Variants in SLC25A21 observed in about 807,000 individuals in gnomAD.
SLC25A21 encodes the protein solute carrier family 25 member 21.
A neutral mutation model predicts 43.8 loss-of-function variants in SLC25A21; 47 were observed. The ratio of observed to expected loss-of-function variants is 1.07; its 90% CI spans 0.85 to 1.37. The LOEUF (loss-of-function observed/expected upper bound fraction) is 1.37. Ranked by LOEUF, SLC25A21 falls within the 40% of genes most tolerant of loss-of-function variation. The probability of loss-of-function intolerance (pLI) is 0.00; values close to 1 mark genes in which losing one functional copy is unlikely to be tolerated. For missense variants in SLC25A21, 352 were observed against 350.2 expected (o/e 1.00, Z -0.04); for synonymous variants, 131 against 121.3 (o/e 1.08, Z -0.52).
chr14:37,168,049 C>T (rs1418035328), intron 1 of SLC25A21, among the ~76,000 whole-genome samples: 1 of 152,110 alleles, frequency 6.6e-6, no homozygotes, highest in Non-Finnish European at 1.5e-5. Flanking sequence ...CAAGGTGAAC[C>T]TGCTGGGGCA....
At chr14:37,124,669 T>C (rs1398897793) in intron 1 of SLC25A21, among the ~76,000 whole-genome samples, 1 of 152,298 alleles carries the variant, frequency 6.6e-6, no homozygotes, top group East Asian at 1.9e-4. Flanking sequence ...TGGGATCTGA[T>C]GTGGTTTGGA....
At chr14:36,758,765 G>A (rs1886030382) in intron 3 of SLC25A21, among the ~76,000 whole-genome samples, 1 of 152,090 alleles carries the variant, frequency 6.6e-6, no homozygotes, top group East Asian at 1.9e-4. Flanking sequence ...TCTTGTGTGG[G>A]AACTGGATGC....
At chr14:36,873,551 C>T (rs1464544268) in intron 2 of SLC25A21, among the ~76,000 whole-genome samples, 1 of 152,176 alleles carries the variant, frequency 6.6e-6, no homozygotes, top group African/African-American at 2.4e-5. Flanking sequence ...CTCCCTCTGC[C>T]TCCCAAAGTG....
chr14:36,747,318 T>C (rs916904361), intron 3 of SLC25A21, among the ~76,000 whole-genome samples: 4 of 152,214 alleles, frequency 2.6e-5, no homozygotes, highest in East Asian at 3.9e-4. Flanking sequence ...CAACCACATG[T>C]TAGCTGTTTA....
At chr14:36,773,259 G>A (rs1461442659) in intron 3 of SLC25A21, among the ~76,000 whole-genome samples, 1 of 152,078 alleles carries the variant, frequency 6.6e-6, no homozygotes, top group Non-Finnish European at 1.5e-5. Context: ...TCTCAGCTGT[G>A]AGTGATGAGT....
At position 36,899,207 on chromosome 14, in the gene SLC25A21, T is replaced by C. The variant is rs190441096; in HGVS notation, c.71-24203A>G. 1.3e-3 allele frequency among the ~76,000 whole-genome samples: 197 copies of C among 151,502 alleles called. 1 individual carries two copies. Among genetic ancestry groups the C allele is most frequent in the African/African-American group, 4.6e-3 (189 of 41,216 alleles). Reference sequence around the variant, plus strand: ...GTGCTCAAGACGATCCACGCAAACATAGCAAGACCCTGTCTCTATTTGAGA... The same window carrying C: ...GTGCTCAAGACGATCCACGCAAACACAGCAAGACCCTGTCTCTATTTGAGA... On this transcript the variant is annotated intron_variant, in intron 1 of 9. Transcript: ENST00000331299.
At chr14:36,919,525 G>A (rs1247255021) in intron 1 of SLC25A21, among the ~76,000 whole-genome samples, 1 of 151,870 alleles carries the variant, frequency 6.6e-6, no homozygotes, top group Non-Finnish European at 1.5e-5. Flanking sequence ...CTCCTGAAAT[G>A]TTTAATTTTC....
At chr14:36,979,794 T>C (rs1048145145) in intron 1 of SLC25A21, among the ~76,000 whole-genome samples, 1 of 152,196 alleles carries the variant, frequency 6.6e-6, no homozygotes, top group Non-Finnish European at 1.5e-5. Flanking sequence ...AAATTAATCA[T>C]GGTGTTTTCA....
intron 3 of SLC25A21, among the ~76,000 whole-genome samples, chr14:36,791,877 G>A (rs1887497463): frequency 6.6e-6 from 1 of 152,090 alleles, no homozygotes; most frequent in Admixed American, 6.6e-5. Flanking sequence ...AGATTGGAAA[G>A]AGGCACCGGG....
At chr14:36,850,459 G>C (rs999878207) in intron 2 of SLC25A21, among the ~76,000 whole-genome samples, 1 of 152,034 alleles carries the variant, frequency 6.6e-6, no homozygotes, top group Non-Finnish European at 1.5e-5. Context: ...TAGCTTGCCA[G>C]GTATAGAAAG....
At chr14:36,904,625 G>C (rs1476523347) in intron 1 of SLC25A21, among the ~76,000 whole-genome samples, 1 of 152,152 alleles carries the variant, frequency 6.6e-6, no homozygotes, top group East Asian at 1.9e-4. Flanking sequence ...CACATGGCTG[G>C]GGAGGCCTTA....
chr14:36,824,396 G>T (rs1238154486), intron 2 of SLC25A21, among the ~76,000 whole-genome samples: 2 of 152,102 alleles, frequency 1.3e-5, no homozygotes, highest in African/African-American at 4.8e-5. Context: ...TGGATTGGTT[G>T]TTACCAGTTT....
intron 1 of SLC25A21, among the ~76,000 whole-genome samples, chr14:36,975,801 G>T (rs1418273808): frequency 6.6e-6 from 1 of 152,206 alleles, no homozygotes; most frequent in Admixed American, 6.5e-5. Flanking sequence ...GAGGACCATA[G>T]TTGACATCAG....
chr14:36,693,478 T>C (rs1004779136), intron 7 of SLC25A21, among the ~76,000 whole-genome samples: 1 of 152,172 alleles, frequency 6.6e-6, no homozygotes, highest in Non-Finnish European at 1.5e-5. Context: ...AGACTGAACA[T>C]ACAAGATTAA....
intron 1 of SLC25A21, among the ~76,000 whole-genome samples, chr14:37,078,371 TC>T (rs1015882726): frequency 6.6e-6 from 1 of 151,918 alleles, no homozygotes. Context: ...CACATTATCT[TC>T]CCCACAGGGG....
At chr14:37,162,078 G>A (rs982311398) in intron 1 of SLC25A21, among the ~76,000 whole-genome samples, 1 of 152,014 alleles carries the variant, frequency 6.6e-6, no homozygotes, top group African/African-American at 2.4e-5. Context: ...ACAGGCCAAG[G>A]AATACCAAGC....
chr14:37,133,639 A>C (rs934384997), intron 1 of SLC25A21, among the ~76,000 whole-genome samples: 2 of 151,642 alleles, frequency 1.3e-5, no homozygotes, highest in Admixed American at 6.6e-5. Flanking sequence ...TAAAAAAAAA[A>C]CCACCAACAC....
intron 7 of SLC25A21, among the ~76,000 whole-genome samples, chr14:36,706,790 A>G (rs544521382): frequency 6.6e-6 from 1 of 152,010 alleles, no homozygotes; most frequent in African/African-American, 2.4e-5. Flanking sequence ...TGTCTCCCCC[A>G]TGGACGCTAT....
chr14:36,993,893 G>GCAA (rs994137611), intron 1 of SLC25A21, among the ~76,000 whole-genome samples: 4 of 152,210 alleles, frequency 2.6e-5, no homozygotes, highest in Middle Eastern at 3.4e-3. Context: ...GATGAGAATT[G>GCAA]CAACAACAAC....
Sources: gnomAD v4.1 joint callset for allele counts (sites outside exome capture counted in the v4.1 genomes callset) on GRCh38, gnomAD v4.1.1 for gene constraint, MANE v1.5 for transcripts, NCBI Gene and HGNC (gene_info 2026-07-23, HGNC 2026-07-21) for gene names.